LRRC69: variants seen among roughly 807,000 people sequenced by gnomAD.
LRRC69 encodes the protein leucine rich repeat containing 69.
LRRC69 carries 42 observed loss-of-function variants against 37.8 expected under a neutral mutation model. The observed-to-expected ratio is 1.11, with a 90% CI of 0.87 to 1.44. The LOEUF (loss-of-function observed/expected upper bound fraction) is 1.44, where lower values mean the gene tolerates loss of function less well. Ranked by LOEUF, LRRC69 falls within the 40% of genes most tolerant of loss-of-function variation. The pLI is 0.00. For synonymous variants in LRRC69, 141 were observed against 143.1 expected, an observed-to-expected ratio of 0.99 and a Z score of 0.11; for missense variants, 357 against 401.9, an observed-to-expected ratio of 0.89 and a Z score of 0.96.
intron 5 of LRRC69, among the ~76,000 whole-genome samples, chr8:91,139,854 C>T (rs1288853892): frequency 1.3e-5 from 2 of 151,396 alleles, no homozygotes; most frequent in Admixed American, 6.6e-5. Flanking sequence ...TTTGAGAGGC[C>T]GAAGTGGGCG....
chr8:91,160,735 C>A (rs1269530080), intron 5 of LRRC69, among the ~76,000 whole-genome samples: 1 of 151,270 alleles, frequency 6.6e-6, no homozygotes, highest in Non-Finnish European at 1.5e-5. Context: ...AATTAAACCT[C>A]TTTTCTTCAT....
intron 5 of LRRC69, among the ~76,000 whole-genome samples, chr8:91,178,493 C>G (rs1809273469): frequency 6.6e-6 from 1 of 152,010 alleles, no homozygotes; most frequent in Non-Finnish European, 1.5e-5. Context: ...AGTACAATTA[C>G]TATGTAAAAT....
chr8:91,187,493 G>A (rs184011521), intron 5 of LRRC69, among the ~76,000 whole-genome samples: 102 of 152,238 alleles, frequency 6.7e-4, no homozygotes, highest in African/African-American at 2.3e-3. Flanking sequence ...CTTTATGTTG[G>A]ATCTGGGAAG....
chr8:91,167,406 T>G (rs1331475111), intron 5 of LRRC69, among the ~76,000 whole-genome samples: 1 of 151,560 alleles, frequency 6.6e-6, no homozygotes, highest in Admixed American at 6.6e-5. Flanking sequence ...CCCGCCCCTA[T>G]GATTCAATAT....
chr8:91,191,827 G>A (rs1017011922), intron 6 of LRRC69, among the ~76,000 whole-genome samples: 4 of 152,034 alleles, frequency 2.6e-5, no homozygotes, highest in African/African-American at 9.7e-5. Flanking sequence ...GGGTCCAGGA[G>A]CACAAAAGTT....
intron 5 of LRRC69, among the ~76,000 whole-genome samples, chr8:91,160,944 C>T (rs987282686): frequency 5.3e-5 from 8 of 151,240 alleles, no homozygotes; most frequent in Non-Finnish European, 7.4e-5. Flanking sequence ...CACATACGGC[C>T]TTTACTTTGT....
rs551135986 is a variant in LRRC69 at position 91,135,545 on chromosome 8, C to G, written c.580-123C>G. ...CGGGAAGATGTGCTGAAGAATTGGT[C>G]AGTACAGTGATTAGAAAAGATGGCC... On this transcript the variant is annotated intron_variant, in intron 4 of 7. Coordinates refer to ENST00000448384, the Ensembl canonical transcript of LRRC69. The G allele has an allele frequency of 4.7e-5, 26 of 548,014 alleles. 1 individual carries two copies. The Middle Eastern group carries it at 1.3e-3, about 28-fold the overall frequency. The allele number at this position is 548,014 out of a possible 1,614,324, so 33.9% of individuals were successfully genotyped here. A position where few individuals can be genotyped will look rare whatever the true frequency, so the allele number is the denominator to read the frequency against.
At chr8:91,151,296 C>T (rs1011226792) in intron 5 of LRRC69, among the ~76,000 whole-genome samples, 25 of 151,576 alleles carry the variant, frequency 1.6e-4, no homozygotes, top group African/African-American at 5.8e-4. Flanking sequence ...TCTTTGTTCT[C>T]GGTGGTTTCA....
intron 5 of LRRC69, chr8:91,158,366 G>T (rs551912672): frequency 7.0e-7 from 1 of 1,434,268 alleles, no homozygotes; most frequent in South Asian, 1.1e-5. Flanking sequence ...TTGGTATTTA[G>T]ATGACAACAT....
chr8:91,137,052 T>C (rs1808435598), intron 5 of LRRC69, among the ~76,000 whole-genome samples: 1 of 152,072 alleles, frequency 6.6e-6, no homozygotes, highest in African/African-American at 2.4e-5. Flanking sequence ...CTGCTTTCAG[T>C]TCCTCTGGGA....
chr8:91,183,642 A>G (rs796453570), intron 5 of LRRC69, among the ~76,000 whole-genome samples: 9 of 152,338 alleles, frequency 5.9e-5, no homozygotes, highest in African/African-American at 2.2e-4. Context: ...GATAAAGTGC[A>G]AAGAGAATGT....
chr8:91,160,717 C>G (rs563417348), intron 5 of LRRC69, among the ~76,000 whole-genome samples: 3 of 151,210 alleles, frequency 2.0e-5, no homozygotes, highest in Non-Finnish European at 4.4e-5. Context: ...CCTGTGGAAC[C>G]ATGAGTCAAT....
chr8:91,196,366 T>C (rs1423836203), intron 6 of LRRC69, among the ~76,000 whole-genome samples: 2 of 151,836 alleles, frequency 1.3e-5, no homozygotes, highest in Non-Finnish European at 1.5e-5. Context: ...GTGTTCTCTG[T>C]ATTTCCTGAA....
chr8:91,150,817 A>G (rs201386019), intron 5 of LRRC69, among the ~76,000 whole-genome samples: 1 of 151,494 alleles, frequency 6.6e-6, no homozygotes, highest in Non-Finnish European at 1.5e-5. Flanking sequence ...GTCTTGGGAG[A>G]GTGTATGTGT....
chr8:91,201,154 AG>A (rs1468406239), intron 7 of LRRC69, among the ~76,000 whole-genome samples: 7 of 152,146 alleles, frequency 4.6e-5, no homozygotes, highest in Non-Finnish European at 1.0e-4. Flanking sequence ...GGTGTAGAAA[AG>A]GTGAATGTGC....
At chr8:91,156,185 T>C (rs1467896413) in intron 5 of LRRC69, among the ~76,000 whole-genome samples, 1 of 151,074 alleles carries the variant, frequency 6.6e-6, no homozygotes, top group Non-Finnish European at 1.5e-5. Context: ...GAGTTTTCTT[T>C]GTGTTCTCAC....
At chr8:91,145,478 TA>T in intron 5 of LRRC69, among the ~76,000 whole-genome samples, 1 of 151,922 alleles carries the variant, frequency 6.6e-6, no homozygotes, top group South Asian at 2.1e-4. Context: ...TAAGGAAAAG[TA>T]TACCCTATTC....
chr8:91,132,561 T>C (rs2130514260), intron 3 of LRRC69, among the ~76,000 whole-genome samples: 1 of 152,126 alleles, frequency 6.6e-6, no homozygotes, highest in Admixed American at 6.6e-5. Flanking sequence ...TTCCTTAACC[T>C]TTTTCTCCTT....
chr8:91,217,691 C>A (rs909975857), intron 7 of LRRC69, among the ~76,000 whole-genome samples: 2 of 152,084 alleles, frequency 1.3e-5, no homozygotes, highest in Admixed American at 1.3e-4. Context: ...GGTAGTTGCC[C>A]AAAGGAAAAA....
Sources: allele counts gnomAD v4.1 joint callset (sites outside exome capture counted in the v4.1 genomes callset), GRCh38; gene constraint gnomAD v4.1.1; transcripts MANE v1.5; gene names NCBI Gene and HGNC (gene_info 2026-07-23, HGNC 2026-07-21).